Variants in COL24A1 observed in about 807,000 individuals in gnomAD.
COL24A1 encodes the protein collagen alpha-1(XXIV) chain.
In COL24A1, 224 loss-of-function variants were observed where a neutral mutation model predicts 253.9. The ratio of observed to expected loss-of-function variants is 0.88; its 90% confidence interval spans 0.79 to 0.99. COL24A1 has a LOEUF of 0.99. Ranked by LOEUF, COL24A1 falls within the 50% of genes least tolerant of loss-of-function variation. The pLI is 0.00. For missense variants in COL24A1, 2,131 were observed against 2,068.5 expected, an observed-to-expected ratio of 1.03 and a Z score of -0.59; for synonymous variants, 685 against 673.7, an observed-to-expected ratio of 1.02 and a Z score of -0.26.
intron 47 of COL24A1, among the ~76,000 whole-genome samples, chr1:85,790,108 T>C (rs1472438761): frequency 6.6e-6 from 1 of 152,184 alleles, no homozygotes; most frequent in Non-Finnish European, 1.5e-5. Context: ...TTGTTTGAAA[T>C]CGTTTCAGAA....
intron 10 of COL24A1, among the ~76,000 whole-genome samples, chr1:86,051,313 A>G (rs941213502): frequency 1.3e-5 from 2 of 152,268 alleles, no homozygotes; most frequent in Admixed American, 6.5e-5. Flanking sequence ...CTGTAACATC[A>G]TTTGATAATT....
At position 85,826,406 on chromosome 1, in the gene COL24A1, G is replaced by A. The variant is rs1199751544; in HGVS notation, c.3682-2668C>T. ...TGGCTTAGGATTGACTTGGCGATGC[G>A]GGCTCTTTTTTGGTTCCATATGAAC... On this transcript the variant is annotated intron_variant, in intron 43 of 59. Coordinates refer to ENST00000370571, the MANE Select transcript of COL24A1 (RefSeq NM_152890.7). Among the ~76,000 whole-genome samples, 8 of 126,772 alleles carry A rather than the reference G, an allele frequency of 6.3e-5. No individual in the cohort carries two copies. The East Asian group carries it at 6.7e-4, about 11-fold the overall frequency. 83.2% of individuals were successfully genotyped at this position (126,772 alleles called of 152,430 possible). A position where few individuals can be genotyped will look rare whatever the true frequency, so the allele number is the denominator to read the frequency against.
intron 2 of COL24A1, among the ~76,000 whole-genome samples, chr1:86,126,596 C>T (rs538900273): frequency 6.6e-6 from 1 of 152,092 alleles, no homozygotes; most frequent in East Asian, 1.9e-4. Flanking sequence ...CCTCAGCCTC[C>T]CAAGTAGCCA....
intron 55 of COL24A1, among the ~76,000 whole-genome samples, chr1:85,755,657 A>T (rs1666161630): frequency 6.6e-6 from 1 of 152,194 alleles, no homozygotes; most frequent in Admixed American, 6.5e-5. Flanking sequence ...CAGTGCTGGA[A>T]AAATGGAATA....
chr1:86,075,767 A>T (rs1308620642), intron 7 of COL24A1, among the ~76,000 whole-genome samples: 1 of 152,228 alleles, frequency 6.6e-6, no homozygotes, highest in East Asian at 1.9e-4. Flanking sequence ...GTAATCCATC[A>T]CATAAACAGA....
At chr1:85,756,057 C>CAAAAA (rs200030128) in intron 55 of COL24A1, among the ~76,000 whole-genome samples, 20 of 95,806 alleles carry the variant, frequency 2.1e-4, no homozygotes, top group East Asian at 1.3e-3. Context: ...TACTAACAAC[C>CAAAAA]AAAAAAAAAA....
chr1:85,772,229 G>C (rs144831309), intron 53 of COL24A1, among the ~76,000 whole-genome samples: 2,390 of 151,964 alleles, frequency 0.016, 68 homozygotes, highest in African/African-American at 0.055. Flanking sequence ...CTGGCCATCA[G>C]AGAAATGCAA....
At chr1:86,032,226 T>C (rs1362142748) in intron 13 of COL24A1, among the ~76,000 whole-genome samples, 1 of 152,160 alleles carries the variant, frequency 6.6e-6, no homozygotes, top group Non-Finnish European at 1.5e-5. Context: ...CTATCAATAA[T>C]CAACACTGTA....
At chr1:85,743,716 A>G (rs1664887124) in intron 57 of COL24A1, among the ~76,000 whole-genome samples, 3 of 152,278 alleles carry the variant, frequency 2.0e-5, no homozygotes, top group Admixed American at 6.5e-5. Context: ...CAAATATGGG[A>G]AAAAATCAAG....
chr1:85,834,696 G>A (rs1474924665), intron 43 of COL24A1, among the ~76,000 whole-genome samples: 1 of 152,160 alleles, frequency 6.6e-6, no homozygotes, highest in Non-Finnish European at 1.5e-5. Flanking sequence ...TTTAGCTTGA[G>A]TTAATCTTGG....
intron 51 of COL24A1, among the ~76,000 whole-genome samples, chr1:85,782,303 G>A (rs1669223967): frequency 6.6e-6 from 1 of 152,170 alleles, no homozygotes; most frequent in Non-Finnish European, 1.5e-5. Context: ...GATCAGGCTA[G>A]TCTCAAACTC....
At chr1:85,958,712 T>C (rs1437424284) in intron 24 of COL24A1, among the ~76,000 whole-genome samples, 2 of 152,170 alleles carry the variant, frequency 1.3e-5, no homozygotes, top group African/African-American at 4.8e-5. Context: ...CATGTTTTTT[T>C]CTTTACAGTT....
intron 24 of COL24A1, among the ~76,000 whole-genome samples, chr1:85,912,594 T>C (rs976055305): frequency 5.3e-5 from 8 of 152,196 alleles, no homozygotes; most frequent in Non-Finnish European, 1.2e-4. Flanking sequence ...GATCTCTATC[T>C]ATCTAATGAT....
chr1:86,082,650 A>G (rs534520955), intron 7 of COL24A1, among the ~76,000 whole-genome samples: 3 of 148,046 alleles, frequency 2.0e-5, no homozygotes, highest in Admixed American at 1.4e-4. Flanking sequence ...TATAACATAT[A>G]TTTATATATA....
Position 85,731,621 on chromosome 1 carries a change from CACTT to C in COL24A1, c.4999-933_4999-930del, listed in dbSNP as rs2100779349. Among the ~76,000 whole-genome samples, 2 of 152,256 alleles carry C rather than the reference CACTT, an allele frequency of 1.3e-5. 1 individual carries two copies. The highest frequency in any genetic ancestry group is 4.1e-4 in the South Asian group (2 of 4,824). On this transcript the variant is annotated intron_variant, in intron 59 of 59. Coordinates refer to ENST00000370571, the MANE Select transcript of COL24A1 (RefSeq NM_152890.7). Reference sequence around the variant, plus strand: ...TTTAGCATAGTTGAATAAGATGTAACACTTAGTGTTCTTATAGTGCTTGTGAAAT... The same window carrying C: ...TTTAGCATAGTTGAATAAGATGTAACAGTGTTCTTATAGTGCTTGTGAAAT...
chr1:85,948,320 C>T (rs1456089176), intron 24 of COL24A1, among the ~76,000 whole-genome samples: 2 of 151,496 alleles, frequency 1.3e-5, no homozygotes, highest in Admixed American at 6.6e-5. Flanking sequence ...GTCAGGAGAT[C>T]GAGACCATCC....
At chr1:85,965,110 C>T in intron 22 of COL24A1, 48 bp from the exon 23 acceptor site, 1 of 1,462,964 alleles carries the variant, frequency 6.8e-7, no homozygotes, top group South Asian at 1.4e-5. Context: ...TTTAGTCATT[C>T]TCATTTTTGA....
rs1176290299 is a variant in COL24A1 at position 85,841,866 on chromosome 1, G to C, written c.3570+202C>G. On this transcript the variant is annotated intron_variant, in intron 41 of 59. Transcript: ENST00000370571. ...ACATATATTATTTCAGCTCAGTCTT[G>C]AAACAACCCATGGAAGATATTTTAA... Among the ~76,000 whole-genome samples, 5 of 152,176 alleles carry C rather than the reference G, an allele frequency of 3.3e-5. No individual in the cohort carries two copies. In the East Asian group the frequency reaches 9.6e-4, roughly 29 times the overall value.
intron 53 of COL24A1, among the ~76,000 whole-genome samples, chr1:85,772,275 T>C (rs1668063073): frequency 6.6e-6 from 1 of 151,498 alleles, no homozygotes; most frequent in Admixed American, 6.6e-5. Flanking sequence ...TCACACCAGT[T>C]AGAATGGCAA....
Sources: gnomAD v4.1 joint callset for allele counts (sites outside exome capture counted in the v4.1 genomes callset) on GRCh38, gnomAD v4.1.1 for gene constraint, MANE v1.5 for transcripts, NCBI Gene and HGNC (gene_info 2026-07-23, HGNC 2026-07-21) for gene names.